Variants in NRG3 observed in about 807,000 individuals in gnomAD.
NRG3 encodes pro-neuregulin-3, membrane-bound isoform.
NRG3 carries 31 observed loss-of-function variants against 66.9 expected under a neutral mutation model. That is an observed-to-expected ratio of 0.46 (90% CI 0.35 to 0.63). The LOEUF (loss-of-function observed/expected upper bound fraction) is 0.63, where lower values mean the gene tolerates loss of function less well. Among genes scored for constraint, NRG3 ranks in the 20% least tolerant of loss-of-function variants. The pLI is 0.00. For synonymous variants in NRG3, 393 were observed against 359.4 expected (o/e 1.09, Z -1.06); for missense variants, 910 against 878.9 (o/e 1.04, Z -0.45).
intron 1 of NRG3, among the ~76,000 whole-genome samples, chr10:81,942,572 T>G (rs998570310): frequency 6.6e-6 from 1 of 152,204 alleles, no homozygotes; most frequent in Non-Finnish European, 1.5e-5. Flanking sequence ...TGGATTATCT[T>G]AAAATTAGCT....
chr10:82,314,400 G>A (rs1328213048), intron 1 of NRG3, among the ~76,000 whole-genome samples: 1 of 152,052 alleles, frequency 6.6e-6, no homozygotes, highest in East Asian at 1.9e-4. Flanking sequence ...AATTTGCAGG[G>A]ACCCCGGAGA....
chr10:82,869,921 T>G (rs2135979260), intron 4 of NRG3, among the ~76,000 whole-genome samples: 1 of 151,690 alleles, frequency 6.6e-6, no homozygotes, highest in Admixed American at 6.6e-5. Flanking sequence ...CTGGTCTTTT[T>G]ACTATTGTCA....
chr10:82,214,469 A>AC (rs1167711010), intron 1 of NRG3, among the ~76,000 whole-genome samples: 13 of 150,184 alleles, frequency 8.7e-5, no homozygotes, highest in Non-Finnish European at 1.3e-4. Flanking sequence ...ATCTATTTCC[A>AC]CCCCCCGCCC....
intron 2 of NRG3, among the ~76,000 whole-genome samples, chr10:82,683,201 C>T (rs1205072736): frequency 5.3e-5 from 8 of 151,958 alleles, no homozygotes; most frequent in Non-Finnish European, 1.0e-4. Context: ...GTGATCCACC[C>T]GCCTCGGCCT....
At chr10:82,622,102 A>AG (rs2049079234) in intron 2 of NRG3, among the ~76,000 whole-genome samples, 2 of 152,188 alleles carry the variant, frequency 1.3e-5, no homozygotes, top group Non-Finnish European at 2.9e-5. Context: ...CTTTGCAAGG[A>AG]GGTAAGACTA....
chr10:82,746,472 T>C (rs1265976740), intron 3 of NRG3, among the ~76,000 whole-genome samples: 1 of 152,190 alleles, frequency 6.6e-6, no homozygotes, highest in African/African-American at 2.4e-5. Context: ...CCACAGGACA[T>C]GCTCACTATA....
chr10:82,951,719 A>T (rs749816244), intron 5 of NRG3, 148 bp downstream of exon 5: 1 of 649,068 alleles, frequency 1.5e-6, no homozygotes, highest in Non-Finnish European at 2.7e-6. Context: ...CATTTTTGTA[A>T]ATTGTGGTGA....
intron 2 of NRG3, among the ~76,000 whole-genome samples, chr10:82,525,170 T>C (rs1846574242): frequency 6.6e-6 from 1 of 151,806 alleles, no homozygotes; most frequent in African/African-American, 2.4e-5. Flanking sequence ...AAAAAGTTTG[T>C]AAGGAATTAT....
chr10:82,036,417 A>G (rs2062792759), intron 1 of NRG3, among the ~76,000 whole-genome samples: 1 of 152,114 alleles, frequency 6.6e-6, no homozygotes, highest in Non-Finnish European at 1.5e-5. Context: ...ACAAGTTATT[A>G]TCCCCATTTC....
At position 82,051,929 on chromosome 10, in the gene NRG3, T is replaced by C. The variant is rs953974312; in HGVS notation, c.823+175766T>C. 9.9e-5 allele frequency among the ~76,000 whole-genome samples: 15 copies of C among 152,228 alleles called. No individual in the cohort carries two copies. The East Asian group carries it at 1.7e-3, about 18-fold the overall frequency. ...TCCCCACCAATTGTTCTTTAAAGCA[T>C]TGTGAGTTGGCTTAGCAATGTCTTC... On this transcript the variant is annotated intron_variant, in intron 1 of 8. Transcript: ENST00000372141.
chr10:82,929,659 G>C (rs905222960), intron 4 of NRG3, among the ~76,000 whole-genome samples: 3 of 152,022 alleles, frequency 2.0e-5, no homozygotes, highest in Admixed American at 2.0e-4. Context: ...CGAGGCAAGA[G>C]GATCACTTGA....
chr10:82,524,610 A>G (rs1476174741), intron 2 of NRG3, among the ~76,000 whole-genome samples: 1 of 151,942 alleles, frequency 6.6e-6, no homozygotes, highest in Non-Finnish European at 1.5e-5. Context: ...TTTAGGTTAC[A>G]TATATATTCA....
At chr10:81,996,785 A>T (rs2060956010) in intron 1 of NRG3, among the ~76,000 whole-genome samples, 1 of 152,162 alleles carries the variant, frequency 6.6e-6, no homozygotes, top group Admixed American at 6.6e-5. Context: ...GCCTGTGTAT[A>T]TGCAACACAG....
At chr10:82,379,678 A>G (rs113544500) in intron 2 of NRG3, among the ~76,000 whole-genome samples, 169 of 152,228 alleles carry the variant, frequency 1.1e-3, no homozygotes, top group Non-Finnish European at 2.0e-3. Context: ...GGTTTAATAT[A>G]TTGAGTGTGA....
rs200325957 is a variant in NRG3, at chr10:82,621,173, T to TG, written c.954-117403dup. On this transcript the variant is annotated intron_variant, in intron 2 of 8. Transcript: ENST00000372141. ...TGGAGTCTTGAAGGTTTGCGGAACT[T>TG]GAAGTATTGTCTTTTCAAGGTTTTC... 6.0e-3 allele frequency among the ~76,000 whole-genome samples: 918 copies of TG among 152,286 alleles called. 7 individuals carry two copies. The highest frequency in any genetic ancestry group is 0.021 in the African/African-American group (866 of 41,562).
intron 2 of NRG3, among the ~76,000 whole-genome samples, chr10:82,445,859 T>C (rs543053251): frequency 6.6e-6 from 1 of 152,244 alleles, no homozygotes; most frequent in South Asian, 2.1e-4. Flanking sequence ...TAAAGGCTTC[T>C]ACTGAGTGCA....
intron 2 of NRG3, among the ~76,000 whole-genome samples, chr10:82,688,588 AG>A (rs931010316): frequency 1.3e-5 from 2 of 152,170 alleles, no homozygotes. Flanking sequence ...TCACTTAGAA[AG>A]GATTTACTGA....
chr10:82,016,659 A>G (rs1417617972), intron 1 of NRG3, among the ~76,000 whole-genome samples: 1 of 152,104 alleles, frequency 6.6e-6, no homozygotes, highest in Admixed American at 6.6e-5. Context: ...AGAGAAACTG[A>G]AAAAATATTG....
chr10:82,586,248 A>AAAC lies in NRG3; in HGVS notation c.954-152327_954-152326insCAA, dbSNP rs1251425447. ...ATAAAAGTTGAAATTATTAAAAAAA[A>AAAC]AAAAAACAAGAAAACGAAACAAAGC... On this transcript the variant is annotated intron_variant, in intron 2 of 8. Transcript: ENST00000372141. 2.0e-5 allele frequency among the ~76,000 whole-genome samples: 3 copies of AAAC among 152,088 alleles called. No individual in the cohort carries two copies. In the East Asian group the frequency reaches 5.8e-4, roughly 29 times the overall value.
Sources: allele counts gnomAD v4.1 joint callset (sites outside exome capture counted in the v4.1 genomes callset), GRCh38; gene constraint gnomAD v4.1.1; transcripts MANE v1.5; gene names NCBI Gene and HGNC (gene_info 2026-07-23, HGNC 2026-07-21).